PDE10A: variants seen among roughly 807,000 people sequenced by gnomAD.
The protein encoded by PDE10A is phosphodiesterase 10A.
A neutral mutation model predicts 97.7 loss-of-function variants in PDE10A; 39 were observed. The observed-to-expected ratio is 0.40, with a 90% confidence interval of 0.31 to 0.52. PDE10A has a LOEUF of 0.52. PDE10A is among the 20% of genes least tolerant of loss of function. The probability of loss-of-function intolerance (pLI) is 0.56; values close to 1 mark genes in which losing one functional copy is unlikely to be tolerated. For missense variants in PDE10A, 731 were observed against 1,047.8 expected (o/e 0.70, Z 4.17); for synonymous variants, 371 against 376.8 (o/e 0.98, Z 0.18).
At chr6:165,495,910 T>C (rs1780507833) in intron 2 of PDE10A, among the ~76,000 whole-genome samples, 1 of 152,132 alleles carries the variant, frequency 6.6e-6, no homozygotes, top group Non-Finnish European at 1.5e-5. Context: ...GAAGCTGTAT[T>C]CTAAATGCAG....
chr6:165,987,714 A>G (rs1268293867), exon 1 of PDE10A: 1 of 456,656 alleles, frequency 2.2e-6, no homozygotes, highest in Non-Finnish European at 4.4e-6. Flanking sequence ...CAAGTTCGGG[A>G]CCTGTCCACC....
In PDE10A at chr6:165,663,195, G is replaced by T. The variant is rs1790383063; in HGVS notation, c.-384C>A. Among the ~76,000 whole-genome samples the T allele has an allele frequency of 6.6e-6, 1 of 151,906 alleles. No homozygotes were observed. Among genetic ancestry groups the T allele is most frequent in the Non-Finnish European group, 1.5e-5 (1 of 67,938 alleles). On this transcript the variant is annotated 5_prime_UTR_variant, in exon 1 of 22. Coordinates refer to ENST00000539869, the MANE Select transcript of PDE10A (RefSeq NM_001385079.1). The stretch of plus-strand genomic sequence containing the variant: ...CAGCGGAGAAAAGCGCCGCAGTGCC[G>T]CTGCCCGTGGAGGCGGTGGTGGCGG...
In PDE10A at chr6:165,753,336, G is replaced by A. The variant is rs897906799; in HGVS notation, c.-614-209768C>T. Among the ~76,000 whole-genome samples, 8 of 152,252 alleles carry A rather than the reference G, an allele frequency of 5.3e-5. No homozygotes were observed. The East Asian group carries it at 5.8e-4, about 11-fold the overall frequency. The stretch of plus-strand genomic sequence containing the variant: ...CCAAGCACTCTTCACAATGATCCCC[G>A]TATGTACGTGGGTGGGGTCCACTTT... On this transcript the variant is annotated intron_variant, in intron 1 of 19. Coordinates refer to the PDE10A transcript ENST00000366882.
chr6:165,890,307 A>C (rs922560142), intron 1 of PDE10A, among the ~76,000 whole-genome samples: 1 of 152,094 alleles, frequency 6.6e-6, no homozygotes, highest in South Asian at 2.1e-4. Flanking sequence ...ACCGCGGAGG[A>C]AGACAGGAAG....
intron 1 of PDE10A, among the ~76,000 whole-genome samples, chr6:165,897,631 C>A (rs1012051650): frequency 6.6e-6 from 1 of 151,670 alleles, no homozygotes; most frequent in Admixed American, 6.6e-5. Context: ...GACCCGCCCC[C>A]CAGCCCCCCC....
chr6:165,495,860 T>A (rs1780505108), intron 2 of PDE10A, among the ~76,000 whole-genome samples: 1 of 152,140 alleles, frequency 6.6e-6, no homozygotes, highest in Non-Finnish European at 1.5e-5. Context: ...GCTTACAATA[T>A]CTTGGAGAAT....
At chr6:165,393,388 T>C (rs1374017707) in intron 15 of PDE10A, among the ~76,000 whole-genome samples, 1 of 151,480 alleles carries the variant, frequency 6.6e-6, no homozygotes, top group African/African-American at 2.4e-5. Context: ...CATATAGTTA[T>C]ACTATATTTT....
chr6:165,923,282 G>A (rs1298174024), intron 1 of PDE10A, among the ~76,000 whole-genome samples: 1 of 152,172 alleles, frequency 6.6e-6, no homozygotes, highest in Admixed American at 6.5e-5. Context: ...TTATCCCTGG[G>A]AAATAGACTT....
chr6:165,794,323 TCA>T (rs751269861), intron 1 of PDE10A, among the ~76,000 whole-genome samples: 67 of 148,762 alleles, frequency 4.5e-4, no homozygotes, highest in Middle Eastern at 3.7e-3. Flanking sequence ...CACATACTCA[TCA>T]CACACTCATA....
rs746568753 is a variant in PDE10A at position 165,661,569 on chromosome 6, A to T, written c.865+378T>A. On this transcript the variant is annotated intron_variant, in intron 1 of 21. Transcript: ENST00000539869. The surrounding 1 kb of genome is among the most constrained non-coding windows in gnomAD (Gnocchi z 4.8). ...CCAGCCAAGTGGCCACAGGCTCAAGAGGGAGGAACCTAAGTGGTCACAAAG... is the reference window on the plus strand; with the variant it reads ...CCAGCCAAGTGGCCACAGGCTCAAGTGGGAGGAACCTAAGTGGTCACAAAG... 2.1e-5 allele frequency: 4 copies of T among 190,630 alleles called. No homozygotes were observed. The highest frequency in any genetic ancestry group is 4.3e-5 in the Non-Finnish European group (4 of 93,634). 11.8% of individuals were successfully genotyped at this position (190,630 alleles called of 1,614,324 possible).
intron 18 of PDE10A, among the ~76,000 whole-genome samples, chr6:165,378,329 G>C (rs486002): frequency 0.56 from 85,304 of 151,994 alleles, 25,142 homozygotes; most frequent in African/African-American, 0.75. Context: ...TTCAGCAAGA[G>C]TGGCAAAGAA....
intron 1 of PDE10A, among the ~76,000 whole-genome samples, chr6:165,625,318 A>G (rs1184272788): frequency 2.0e-5 from 3 of 152,226 alleles, no homozygotes; most frequent in African/African-American, 7.2e-5. Flanking sequence ...AATGGGCTGC[A>G]GGCAGAGCAG....
chr6:165,371,845 C>G (rs980986731), intron 18 of PDE10A, among the ~76,000 whole-genome samples: 4 of 152,008 alleles, frequency 2.6e-5, no homozygotes, highest in African/African-American at 9.7e-5. Context: ...ACTGGCAAAC[C>G]AAATCCAGCA....
chr6:165,439,633 A>G (rs1790286373), intron 5 of PDE10A, among the ~76,000 whole-genome samples: 1 of 152,336 alleles, frequency 6.6e-6, no homozygotes, highest in African/African-American at 2.4e-5. Flanking sequence ...AAATTTTTCT[A>G]AGAAACTCAT....
chr6:165,712,631 C>A (rs1318445910), intron 1 of PDE10A, among the ~76,000 whole-genome samples: 1 of 88,972 alleles, frequency 1.1e-5, no homozygotes. Flanking sequence ...AACTTTCTTT[C>A]TTTTTTTTTT....
At chr6:165,879,616 A>G (rs1443247698) in intron 1 of PDE10A, among the ~76,000 whole-genome samples, 1 of 152,230 alleles carries the variant, frequency 6.6e-6, no homozygotes, top group African/African-American at 2.4e-5. Flanking sequence ...AAATCCTCGG[A>G]TGCTCAAGTC....
chr6:165,873,214 C>A (rs112305880), intron 1 of PDE10A, among the ~76,000 whole-genome samples: 96 of 152,256 alleles, frequency 6.3e-4, no homozygotes, highest in African/African-American at 2.2e-3. Context: ...ATGTCAAAAT[C>A]ATCTCCTCTG....
chr6:165,608,079 T>TATATAC (rs1562625102), intron 1 of PDE10A, among the ~76,000 whole-genome samples: 1 of 136,728 alleles, frequency 7.3e-6, no homozygotes, highest in African/African-American at 3.4e-5. Context: ...TATATGTATA[T>TATATAC]ATGTATATAT....
chr6:165,892,258 C>T (rs2136963), intron 1 of PDE10A, among the ~76,000 whole-genome samples: 70,596 of 151,772 alleles, frequency 0.47, 16,640 homozygotes, highest in East Asian at 0.66. Context: ...GGTGAGAGTT[C>T]GGGTGACACA....
Sources: allele counts gnomAD v4.1 joint callset (sites outside exome capture counted in the v4.1 genomes callset), GRCh38; gene constraint gnomAD v4.1.1; non-coding constraint Gnocchi (gnomAD v3.1); transcripts MANE v1.5; gene names NCBI Gene and HGNC (gene_info 2026-07-23, HGNC 2026-07-21).